Variants in SLC44A1 observed in about 807,000 individuals in gnomAD.
SLC44A1 encodes the protein solute carrier family 44 member 1.
SLC44A1 carries 26 observed loss-of-function variants against 79.3 expected under a neutral mutation model. That is an observed-to-expected ratio of 0.33 (90% CI 0.24 to 0.46). The LOEUF is 0.46. Among genes scored for constraint, SLC44A1 ranks in the 20% least tolerant of loss-of-function variants. SLC44A1 has a pLI of 1.00. For missense variants in SLC44A1, 688 were observed against 798.1 expected, an observed-to-expected ratio of 0.86 and a Z score of 1.66; for synonymous variants, 263 against 286.2, an observed-to-expected ratio of 0.92 and a Z score of 0.82.
At chr9:105,266,105 G>T (rs1391560063) in intron 1 of SLC44A1, among the ~76,000 whole-genome samples, 3 of 152,044 alleles carry the variant, frequency 2.0e-5, no homozygotes, top group African/African-American at 7.2e-5. Flanking sequence ...CTATAGGTGT[G>T]TGCCACCGTA....
intron 3 of SLC44A1, among the ~76,000 whole-genome samples, chr9:105,324,818 T>C (rs1826520417): frequency 6.6e-6 from 1 of 152,180 alleles, no homozygotes; most frequent in African/African-American, 2.4e-5. Context: ...CTATTTCACA[T>C]CCACTAGAAT....
chr9:105,397,193 G>C lies in SLC44A1; in HGVS notation c.*8137G>C, dbSNP rs955576874. On this transcript the variant is annotated 3_prime_UTR_variant, in exon 16 of 16. Coordinates refer to ENST00000374720, the MANE Select transcript of SLC44A1 (RefSeq NM_080546.5). ...AACGGAGCTTTGAAATGTTTTTCTT[G>C]TGCAGAAATACGAACTAGAAAGAAA... is the stretch of plus-strand genomic sequence containing the variant. The C allele has an allele frequency of 2.1e-5, 21 of 985,234 alleles. No homozygotes were observed. Among genetic ancestry groups the C allele is most frequent in the Middle Eastern group, 5.2e-4 (1 of 1,936 alleles). 61.0% of individuals were successfully genotyped at this position (985,234 alleles called of 1,614,324 possible). A position where few individuals can be genotyped will look rare whatever the true frequency, so the allele number is the denominator to read the frequency against.
intron 15 of SLC44A1, among the ~76,000 whole-genome samples, chr9:105,417,857 A>AC (rs1588877227): frequency 6.6e-6 from 1 of 150,868 alleles, no homozygotes; most frequent in East Asian, 1.9e-4. Context: ...AAAAAAAAAA[A>AC]AACAATTTAA....
At position 105,438,224 on chromosome 9, in the gene SLC44A1, C is replaced by T. The variant is rs1829488461; in HGVS notation, c.1951-57C>T. 1.4e-5 allele frequency: 20 copies of T among 1,468,232 alleles called. 1 individual carries two copies. The East Asian group carries it at 4.9e-4, about 36-fold the overall frequency. The allele number at this position is 1,468,232 out of a possible 1,614,324, so 91.0% of individuals were successfully genotyped here. A position where few individuals can be genotyped will look rare whatever the true frequency, so the allele number is the denominator to read the frequency against. ...CTATTTCTAGTTATTGATTACTTCT[C>T]ATTGTGTCATGTTCCCCTAGGACAG... On this transcript the variant is annotated intron_variant, in intron 15 of 15. Coordinates refer to the SLC44A1 transcript ENST00000374724.
chr9:105,270,972 A>G (rs1830063480), intron 1 of SLC44A1, among the ~76,000 whole-genome samples: 1 of 152,262 alleles, frequency 6.6e-6, no homozygotes, highest in African/African-American at 2.4e-5. Flanking sequence ...TCCCTCTTCT[A>G]GGGTTAAGTG....
At chr9:105,365,916 G>T (rs1029543921) in intron 11 of SLC44A1, among the ~76,000 whole-genome samples, 44 of 152,090 alleles carry the variant, frequency 2.9e-4, no homozygotes, top group African/African-American at 1.1e-3. Flanking sequence ...TTCCTTGACT[G>T]TGGGAATAAC....
At chr9:105,400,558 A>G (rs1828945570), downstream of SLC44A1, among the ~76,000 whole-genome samples, 1 of 152,090 alleles carries the variant, frequency 6.6e-6, no homozygotes, top group Non-Finnish European at 1.5e-5. Context: ...AATTGTTGAC[A>G]TAGGTATATT....
At chr9:105,303,131 C>T (rs149551758) in intron 2 of SLC44A1, among the ~76,000 whole-genome samples, 31 of 152,230 alleles carry the variant, frequency 2.0e-4, no homozygotes, top group African/African-American at 6.7e-4. Flanking sequence ...GGTTCTCAAC[C>T]ACGGTTTCTG....
chr9:105,372,908 C>G (rs1251181480), intron 12 of SLC44A1, among the ~76,000 whole-genome samples: 2 of 149,748 alleles, frequency 1.3e-5, no homozygotes, highest in Non-Finnish European at 3.0e-5. Context: ...CGAGATCCCG[C>G]CACTGCACTC....
chr9:105,308,918 T>C (rs531663712), intron 2 of SLC44A1, among the ~76,000 whole-genome samples: 1 of 152,356 alleles, frequency 6.6e-6, no homozygotes, highest in Non-Finnish European at 1.5e-5. Context: ...TGCTTTGTTT[T>C]GGTCAGTGCA....
chr9:105,362,249 A>G (rs1564458851), intron 8 of SLC44A1, among the ~76,000 whole-genome samples: 1 of 152,240 alleles, frequency 6.6e-6, no homozygotes, highest in Non-Finnish European at 1.5e-5. Flanking sequence ...ATTGAGCATC[A>G]GAAACAAAAA....
Position 105,266,688 on chromosome 9 carries a change from T to C in SLC44A1, c.36+21784T>C, listed in dbSNP as rs538677421. On this transcript the variant is annotated intron_variant, in intron 1 of 15. Coordinates refer to ENST00000374720, the MANE Select transcript of SLC44A1 (RefSeq NM_080546.5). ...TTTGTCTGTCTTAATACTAGTACTG[T>C]ATGGTCTTAATTATTGTGGCTTTAT... Among the ~76,000 whole-genome samples, 3 of 152,362 alleles carry C rather than the reference T, an allele frequency of 2.0e-5. No homozygotes were observed. In the South Asian group the frequency reaches 6.2e-4, roughly 32 times the overall value.
chr9:105,275,142 GCT>G, intron 1 of SLC44A1, among the ~76,000 whole-genome samples: 1 of 152,276 alleles, frequency 6.6e-6, no homozygotes, highest in African/African-American at 2.4e-5. Flanking sequence ...AAGGCTTGGA[GCT>G]AGTCTTGACA....
At chr9:105,316,785 G>T (rs533724198) in intron 3 of SLC44A1, among the ~76,000 whole-genome samples, 1 of 152,316 alleles carries the variant, frequency 6.6e-6, no homozygotes, top group African/African-American at 2.4e-5. Context: ...AGGCAATTTG[G>T]TGATAGTACT....
At chr9:105,339,943 G>A (rs775251672) in intron 4 of SLC44A1, among the ~76,000 whole-genome samples, 1 of 152,150 alleles carries the variant, frequency 6.6e-6, no homozygotes, top group African/African-American at 2.4e-5. Flanking sequence ...GAAAATTGAG[G>A]ACACTATGCT....
rs1398091968 is a variant in SLC44A1, at chr9:105,335,694, T to C, written c.401T>C (p.Ile134Thr). 2 of 1,613,144 alleles carry C rather than the reference T, an allele frequency of 1.2e-6. No individual in the cohort carries two copies. The highest frequency in any genetic ancestry group is 8.5e-7 in the Non-Finnish European group (1 of 1,179,442). ...AGTGATGTTCAGAAGTTTGCAGAGA[T>C]AAATGGTGAGACATTAGGCCATCCA... ...TLSDVQKFAE[I>T]NGSALCSYNL... The change falls in exon 4 of 16, where the codon ATA (isoleucine) becomes ACA (threonine). Residue 134 changes from isoleucine to threonine, a missense_variant. Ile to Thr is a moderately conservative substitution (Grantham distance 89). Coordinates refer to ENST00000374720, the MANE Select transcript of SLC44A1 (RefSeq NM_080546.5).
At chr9:105,320,332 G>T in intron 3 of SLC44A1, among the ~76,000 whole-genome samples, 1 of 128,788 alleles carries the variant, frequency 7.8e-6, no homozygotes, top group Non-Finnish European at 1.6e-5. Context: ...GAGTAATACT[G>T]CTTTAACAAT....
intron 3 of SLC44A1, among the ~76,000 whole-genome samples, chr9:105,326,163 T>A (rs1411099814): frequency 6.6e-6 from 1 of 152,142 alleles, no homozygotes; most frequent in Admixed American, 6.5e-5. Context: ...CTCAACCTCT[T>A]GGGCTTGAGT....
chr9:105,402,994 T>C (rs1330508962), intron 15 of SLC44A1, among the ~76,000 whole-genome samples: 4 of 147,402 alleles, frequency 2.7e-5, no homozygotes, highest in African/African-American at 1.0e-4. Flanking sequence ...TTTTTTTTTT[T>C]TTTTTTGGAA....
Sources: gnomAD v4.1 joint callset for allele counts (sites outside exome capture counted in the v4.1 genomes callset) on GRCh38, gnomAD v4.1.1 for gene constraint, MANE v1.5 for transcripts, NCBI Gene and HGNC (gene_info 2026-07-23, HGNC 2026-07-21) for gene names.